NEGR1: variants seen among roughly 807,000 people sequenced by gnomAD.
The protein encoded by NEGR1 is neuronal growth regulator 1.
In NEGR1, 10 loss-of-function variants were observed where a neutral mutation model predicts 40.9. The observed-to-expected ratio is 0.24, with a 90% confidence interval of 0.15 to 0.42. The LOEUF (loss-of-function observed/expected upper bound fraction) is 0.42. NEGR1 is among the 10% of genes least tolerant of loss of function. NEGR1 has a pLI of 1.00. For synonymous variants in NEGR1, 185 were observed against 166.8 expected, an observed-to-expected ratio of 1.11 and a Z score of -0.84; for missense variants, 352 against 438.9, an observed-to-expected ratio of 0.80 and a Z score of 1.77.
chr1:72,011,081 A>T (rs1646653172), intron 1 of NEGR1, among the ~76,000 whole-genome samples: 1 of 152,158 alleles, frequency 6.6e-6, no homozygotes, highest in Non-Finnish European at 1.5e-5. Flanking sequence ...TATTCCTTTC[A>T]AGTTCTTGTT....
At chr1:72,070,753 G>A (rs1302125961) in intron 1 of NEGR1, among the ~76,000 whole-genome samples, 2 of 151,926 alleles carry the variant, frequency 1.3e-5, no homozygotes, top group African/African-American at 2.4e-5. Flanking sequence ...CATTGTGGTT[G>A]TGTTTCTTTG....
At chr1:71,451,500 A>AT (rs1029688067) in intron 6 of NEGR1, among the ~76,000 whole-genome samples, 1 of 151,634 alleles carries the variant, frequency 6.6e-6, no homozygotes, top group Non-Finnish European at 1.5e-5. Flanking sequence ...CGCCCAGATA[A>AT]TTTTTTTGTA....
At chr1:72,118,408 T>G (rs1046807148) in intron 1 of NEGR1, among the ~76,000 whole-genome samples, 2 of 151,744 alleles carry the variant, frequency 1.3e-5, no homozygotes, top group African/African-American at 4.8e-5. Context: ...ACTCCAGCAG[T>G]GACTGAGAAA....
rs540732463 is a variant in NEGR1 at position 71,671,967 on chromosome 1, C to T, written c.667+26041G>A. 8.8e-5 allele frequency among the ~76,000 whole-genome samples: 13 copies of T among 148,462 alleles called. No homozygotes were observed. In the South Asian group the frequency reaches 1.5e-3, roughly 17 times the overall value. ...TAGGCTGGTCTCAAACTCCTGTCCT[C>T]AAATGATCCTCCTGCCTCAGCCTCG... On this transcript the variant is annotated intron_variant, in intron 4 of 6. Coordinates refer to ENST00000357731, the MANE Select transcript of NEGR1 (RefSeq NM_173808.3).
chr1:72,164,816 G>A (rs1247005894), intron 1 of NEGR1, among the ~76,000 whole-genome samples: 2 of 151,944 alleles, frequency 1.3e-5, no homozygotes, highest in Non-Finnish European at 2.9e-5. Flanking sequence ...ATAATGCAGT[G>A]GTTAGATTAA....
intron 6 of NEGR1, among the ~76,000 whole-genome samples, chr1:71,496,680 G>A (rs1455913595): frequency 2.0e-5 from 3 of 151,964 alleles, no homozygotes; most frequent in Non-Finnish European, 4.4e-5. Flanking sequence ...CCCTAAATTG[G>A]GACAATTCTA....
chr1:71,669,377 T>G (rs887679189), intron 4 of NEGR1, among the ~76,000 whole-genome samples: 1 of 152,058 alleles, frequency 6.6e-6, no homozygotes, highest in Admixed American at 6.6e-5. Flanking sequence ...ACTTGTTTTT[T>G]AAAATCTACT....
rs1025775540 is a variant in NEGR1 at position 71,935,325 on chromosome 1, G to A, written c.177-14C>T. 6.7e-7 allele frequency: 1 copy of A among 1,496,930 alleles called. No individual in the cohort carries two copies. Among genetic ancestry groups the A allele is most frequent in the African/African-American group, 1.4e-5 (1 of 72,572 alleles). 92.7% of individuals were successfully genotyped at this position (1,496,930 alleles called of 1,614,324 possible). A position where few individuals can be genotyped will look rare whatever the true frequency, so the allele number is the denominator to read the frequency against. ...TCCAAATAACACCTACAAATTACAAGAGATACAACACTATTAATCAAAATA... is the reference window on the plus strand; with the variant it reads ...TCCAAATAACACCTACAAATTACAAAAGATACAACACTATTAATCAAAATA... On this transcript the variant is annotated splice_polypyrimidine_tract_variant and intron_variant, in intron 1 of 6. Transcript: ENST00000357731.
At chr1:71,835,520 T>C in intron 2 of NEGR1, among the ~76,000 whole-genome samples, 1 of 152,114 alleles carries the variant, frequency 6.6e-6, no homozygotes, top group East Asian at 1.9e-4. Flanking sequence ...CTCACCTTCA[T>C]TTTTTGTTTG....
intron 3 of NEGR1, among the ~76,000 whole-genome samples, chr1:71,700,486 T>C (rs1281930388): frequency 6.6e-6 from 1 of 152,066 alleles, no homozygotes; most frequent in African/African-American, 2.4e-5. Flanking sequence ...TGAAAGATGC[T>C]ATTTGTACTT....
At chr1:71,830,813 T>C (rs1445472654) in intron 2 of NEGR1, among the ~76,000 whole-genome samples, 1 of 151,952 alleles carries the variant, frequency 6.6e-6, no homozygotes, top group Non-Finnish European at 1.5e-5. Context: ...TCAGTAGATA[T>C]TCACTTAGTA....
intron 1 of NEGR1, among the ~76,000 whole-genome samples, chr1:72,216,396 T>TACAC (rs1410956107): frequency 0.013 from 1,745 of 139,364 alleles, 31 homozygotes; most frequent in African/African-American, 0.048. Context: ...TATATATATA[T>TACAC]ATATACATAT....
At chr1:71,535,003 T>C (rs1647469877) in intron 6 of NEGR1, among the ~76,000 whole-genome samples, 1 of 151,684 alleles carries the variant, frequency 6.6e-6, no homozygotes, top group South Asian at 2.1e-4. Context: ...ATTATACTTT[T>C]ATTTTTAAAA....
intron 2 of NEGR1, among the ~76,000 whole-genome samples, chr1:71,926,182 A>T (rs1645770459): frequency 6.6e-6 from 1 of 152,184 alleles, no homozygotes; most frequent in South Asian, 2.1e-4. Flanking sequence ...TAATTACTTT[A>T]AATTATTTTC....
intron 2 of NEGR1, among the ~76,000 whole-genome samples, chr1:71,821,596 C>A (rs1002490767): frequency 2.0e-5 from 3 of 151,994 alleles, no homozygotes; most frequent in Admixed American, 6.6e-5. Flanking sequence ...ACAGCCCCAC[C>A]ACTTGGACCA....
At chr1:72,189,699 G>C (rs1196839215) in intron 1 of NEGR1, among the ~76,000 whole-genome samples, 1 of 151,500 alleles carries the variant, frequency 6.6e-6, no homozygotes, top group Non-Finnish European at 1.5e-5. Flanking sequence ...AGGTTAAGAG[G>C]TTACATTGCT....
chr1:72,053,261 GAA>G, intron 1 of NEGR1, among the ~76,000 whole-genome samples: 1 of 151,132 alleles, frequency 6.6e-6, no homozygotes, highest in South Asian at 2.1e-4. Context: ...CAGCAATGTG[GAA>G]AGACATTGTC....
rs186369954 is a variant in NEGR1 at position 71,645,655 on chromosome 1, T to C, written c.668-34509A>G. On this transcript the variant is annotated intron_variant, in intron 4 of 6. Transcript: ENST00000357731. ...CATTTTTGAAGCTCTTGGTAAGATT[T>C]AACATCTTTTGGAGGAAATGACTAA... 1.1e-3 allele frequency among the ~76,000 whole-genome samples: 162 copies of C among 152,002 alleles called. 1 individual carries two copies. Among genetic ancestry groups the C allele is most frequent in the African/African-American group, 3.8e-3 (159 of 41,536 alleles).
intron 1 of NEGR1, among the ~76,000 whole-genome samples, chr1:71,937,845 T>C (rs1645921375): frequency 6.6e-6 from 1 of 152,134 alleles, no homozygotes; most frequent in African/African-American, 2.4e-5. Flanking sequence ...GAATGCTCTA[T>C]TGGGCATTTC....
Sources: allele counts gnomAD v4.1 joint callset (sites outside exome capture counted in the v4.1 genomes callset), GRCh38; gene constraint gnomAD v4.1.1; transcripts MANE v1.5; gene names NCBI Gene and HGNC (gene_info 2026-07-23, HGNC 2026-07-21).